SUPT5H: variants seen among roughly 807,000 people sequenced by gnomAD.
The protein encoded by SUPT5H is SPT5 homolog, DSIF elongation factor subunit.
SUPT5H carries 24 observed loss-of-function variants against 142.5 expected under a neutral mutation model. That is an observed-to-expected ratio of 0.17 (90% CI 0.12 to 0.24). The LOEUF (loss-of-function observed/expected upper bound fraction) is 0.24. Among genes scored for constraint, SUPT5H ranks in the 10% least tolerant of loss-of-function variants. The pLI is 1.00. For synonymous variants in SUPT5H, 546 were observed against 553.0 expected, an observed-to-expected ratio of 0.99 and a Z score of 0.18; for missense variants, 893 against 1,471.8, an observed-to-expected ratio of 0.61 and a Z score of 6.43.
chr19:39,456,400 G>GT lies in SUPT5H; in HGVS notation c.242-1266dup, dbSNP rs1555742917. On this transcript the variant is annotated intron_variant, in intron 3 of 29. Transcript: ENST00000432763. ...GTGCATCACCAGGCCTGACTAGACTGTTTTTTTTTGTTGTTGTTGTTGTTG... is the reference window on the plus strand; with the variant it reads ...GTGCATCACCAGGCCTGACTAGACTGTTTTTTTTTTGTTGTTGTTGTTGTTG... 1.9e-3 allele frequency among the ~76,000 whole-genome samples: 154 copies of GT among 81,586 alleles called. 1 individual carries two copies. Among genetic ancestry groups the GT allele is most frequent in the African/African-American group, 8.1e-3 (121 of 14,954 alleles). The allele number at this position is 81,586 out of a possible 152,430, so 53.5% of individuals were successfully genotyped here.
Position 39,471,479 on chromosome 19 carries a change from T to C in SUPT5H, c.1800T>C (p.Val600=), listed in dbSNP as rs2079319378. Residue 600 remains valine (V), a synonymous_variant, in exon 19 of 30, where the codon GTT becomes GTC. Coordinates refer to ENST00000432763, the MANE Select transcript of SUPT5H (RefSeq NM_001111020.3). ...EQNNIHVKDI[V]KVIDGPHSGR... The stretch of plus-strand genomic sequence containing the variant: ...ACAACATCCATGTGAAAGACATCGT[T>C]AAGGTCATTGATGGCCCCCACTCAG... 6.2e-7 allele frequency: 1 copy of C among 1,614,082 alleles called. No homozygotes were observed.
At chr19:39,447,858 A>G (rs2078973146) in intron 2 of SUPT5H, among the ~76,000 whole-genome samples, 1 of 152,258 alleles carries the variant, frequency 6.6e-6, no homozygotes, top group Non-Finnish European at 1.5e-5. Context: ...TTTAGTAGGT[A>G]GCAATCACAA....
At chr19:39,446,244 A>C (rs1048575735) in intron 2 of SUPT5H, among the ~76,000 whole-genome samples, 1 of 151,666 alleles carries the variant, frequency 6.6e-6, no homozygotes, top group Admixed American at 6.6e-5. Context: ...TTTTTTAGTT[A>C]TGTCTAGTCA....
rs1600705710 is a variant in SUPT5H, at chr19:39,458,505, G to C, written c.319+200G>C. On this transcript the variant is annotated intron_variant, in intron 5 of 29. Transcript: ENST00000432763. This position sits in a 1 kb window ranked among gnomAD's most constrained non-coding sequence, Gnocchi z 4.2. ...TGTTGACCTGGGAAAGCACGGATGT[G>C]TCTGTCTGGGACTGAGCATTTGTGG... 1 of 1,012,212 alleles carries C rather than the reference G, an allele frequency of 9.9e-7. No homozygotes were observed. The highest frequency in any genetic ancestry group is 1.6e-5 in the African/African-American group (1 of 61,990). The allele number at this position is 1,012,212 out of a possible 1,614,324, so 62.7% of individuals were successfully genotyped here.
chr19:39,464,404 G>T (rs750764683), intron 10 of SUPT5H, among the ~76,000 whole-genome samples: 4 of 151,842 alleles, frequency 2.6e-5, no homozygotes, highest in Admixed American at 1.3e-4. Flanking sequence ...CTGTTGCCCA[G>T]GCTGGAGTGC....
intron 2 of SUPT5H, among the ~76,000 whole-genome samples, chr19:39,451,186 C>CGT (rs2079017386): frequency 8.8e-6 from 1 of 113,888 alleles, no homozygotes; most frequent in South Asian, 2.9e-4. Flanking sequence ...TTGAGCATGA[C>CGT]CTTTTTTTTT....
At position 39,459,970 on chromosome 19, in the gene SUPT5H, G is replaced by A. The variant is rs368110725; in HGVS notation, c.624+10G>A. The A allele has an allele frequency of 1.9e-6, 3 of 1,614,042 alleles. No individual in the cohort carries two copies. The highest frequency in any genetic ancestry group is 1.7e-5 in the Admixed American group (1 of 60,012). On this transcript the variant is annotated intron_variant, in intron 10 of 29. Coordinates refer to ENST00000432763, the MANE Select transcript of SUPT5H (RefSeq NM_001111020.3). ...CCAGTTCACAGACACGGTAAGTCGG[G>A]TAGACAGGCGGCTTGGTGGGGAGAC...
At position 39,470,345 on chromosome 19, in the gene SUPT5H, C is replaced by T; in HGVS notation, c.1531-32C>T. 2 of 1,549,374 alleles carry T rather than the reference C, an allele frequency of 1.3e-6. No homozygotes were observed. The highest frequency in any genetic ancestry group is 1.8e-6 in the Non-Finnish European group (2 of 1,142,602). On this transcript the variant is annotated intron_variant, in intron 17 of 29. Transcript: ENST00000432763. The surrounding 1 kb of genome is among the most constrained non-coding windows in gnomAD (Gnocchi z 5.8). ...GACCCAGGTAGGCGAGCCACCTGGA[C>T]TGGGCCTCACCCCTTTCACCATCCC... is the stretch of plus-strand genomic sequence containing the variant.
chr19:39,466,361 C>T lies in SUPT5H; in HGVS notation c.877-119C>T. ...TGGGACTTTTGGGAGTGGTCAGCAG[C>T]CTGGTTTCTTCCCCACCATCCTGCG... is the stretch of plus-strand genomic sequence containing the variant. On this transcript the variant is annotated intron_variant, in intron 11 of 29. Coordinates refer to ENST00000432763, the MANE Select transcript of SUPT5H (RefSeq NM_001111020.3). The surrounding 1 kb of genome is among the most constrained non-coding windows in gnomAD (Gnocchi z 4.3). The T allele has an allele frequency of 1.1e-6, 1 of 924,198 alleles. No individual in the cohort carries two copies. The highest frequency in any genetic ancestry group is 1.7e-6 in the Non-Finnish European group (1 of 585,524). The allele number at this position is 924,198 out of a possible 1,614,324, so 57.2% of individuals were successfully genotyped here.
chr19:39,466,510 A>G lies in SUPT5H; in HGVS notation c.907A>G (p.Ile303Val), dbSNP rs755440697. Reference sequence around the variant, plus strand: ...CTACGTGGAGCCCAGCCAGAACACCATCTCCCTGAAGATGATCCCACGCAT... The same window carrying G: ...CTACGTGGAGCCCAGCCAGAACACCGTCTCCCTGAAGATGATCCCACGCAT... ...VDYVEPSQNT[I>V]SLKMIPRIDY... is the part of the protein sequence containing the mutation. The change falls in exon 12 of 30, where the codon ATC becomes GTC. Residue 303 changes from isoleucine (I) to valine (V), a missense_variant. Coordinates refer to ENST00000432763, the MANE Select transcript of SUPT5H (RefSeq NM_001111020.3). This position sits in a 1 kb window ranked among gnomAD's most constrained non-coding sequence, Gnocchi z 4.3. The G allele has an allele frequency of 3.1e-6, 5 of 1,613,896 alleles. No individual in the cohort carries two copies. Among genetic ancestry groups the G allele is most frequent in the African/African-American group, 1.3e-5 (1 of 74,874 alleles).
At chr19:39,455,069 T>C (rs1185905467) in intron 3 of SUPT5H, among the ~76,000 whole-genome samples, 1 of 152,204 alleles carries the variant, frequency 6.6e-6, no homozygotes, top group Non-Finnish European at 1.5e-5. Flanking sequence ...CATGAGTGCA[T>C]GAAGACCTGA....
Position 39,466,777 on chromosome 19 carries a change from TC to T in SUPT5H, c.1037+36del. The T allele has an allele frequency of 6.2e-7, 1 of 1,609,936 alleles. No individual in the cohort carries two copies. Among genetic ancestry groups the T allele is most frequent in the South Asian group, 1.1e-5 (1 of 90,994 alleles). On this transcript the variant is annotated intron_variant, in intron 13 of 29. Coordinates refer to ENST00000432763, the MANE Select transcript of SUPT5H (RefSeq NM_001111020.3). The surrounding 1 kb of genome is among the most constrained non-coding windows in gnomAD (Gnocchi z 4.3). Reference sequence around the variant, plus strand: ...GTCCTTGGGGACTGGCTGGGCTGGGTCCCCAGGGCCGGTGTGTAGAATGTGC... The same window carrying T: ...GTCCTTGGGGACTGGCTGGGCTGGGTCCCAGGGCCGGTGTGTAGAATGTGC...
At position 39,458,184 on chromosome 19, in the gene SUPT5H, T is replaced by C; in HGVS notation, c.308-110T>C. 1 of 1,507,908 alleles carries C rather than the reference T, an allele frequency of 6.6e-7. No homozygotes were observed. 93.4% of individuals were successfully genotyped at this position (1,507,908 alleles called of 1,614,324 possible). ...CCTCCCTTCCCCTCCCCCAACCCAT[T>C]GGTTGATTTTGCTGCTATAATTTGG... is the stretch of plus-strand genomic sequence containing the variant. On this transcript the variant is annotated intron_variant, in intron 4 of 29. Coordinates refer to ENST00000432763, the MANE Select transcript of SUPT5H (RefSeq NM_001111020.3). The surrounding 1 kb of genome is among the most constrained non-coding windows in gnomAD (Gnocchi z 4.2).
chr19:39,472,625 G>C lies in SUPT5H; in HGVS notation c.2035+132G>C. 7.3e-7 allele frequency: 1 copy of C among 1,372,530 alleles called. No homozygotes were observed. The highest frequency in any genetic ancestry group is 9.9e-7 in the Non-Finnish European group (1 of 1,007,618). The allele number at this position is 1,372,530 out of a possible 1,614,324, so 85.0% of individuals were successfully genotyped here. On this transcript the variant is annotated intron_variant, in intron 21 of 29. Transcript: ENST00000432763. This position sits in a 1 kb window ranked among gnomAD's most constrained non-coding sequence, Gnocchi z 4.2. Reference sequence around the variant, plus strand: ...ATTAGGGGTTCACCACCCACAGGAGGGTAGACGCCACAGTGACAGCCCAGA... The same window carrying C: ...ATTAGGGGTTCACCACCCACAGGAGCGTAGACGCCACAGTGACAGCCCAGA...
At chr19:39,471,819 T>C in intron 20 of SUPT5H, 89 bp downstream of exon 20, 1 of 1,501,642 alleles carries the variant, frequency 6.7e-7, no homozygotes, top group Non-Finnish European at 8.9e-7. Flanking sequence ...AAGATTGGGC[T>C]TGTGAGGGAT....
At chr19:39,446,750 G>A (rs1375077723) in intron 2 of SUPT5H, among the ~76,000 whole-genome samples, 3 of 152,230 alleles carry the variant, frequency 2.0e-5, no homozygotes, top group Non-Finnish European at 4.4e-5. Flanking sequence ...GCTCACACCT[G>A]TAATCTCAGC....
At chr19:39,471,561 G>GA (rs1200976382) in intron 19 of SUPT5H, 44 bp from the exon 20 acceptor site, 1 of 1,613,888 alleles carries the variant, frequency 6.2e-7, no homozygotes, top group Non-Finnish European at 8.5e-7. Context: ...GGTTGGGGGT[G>GA]AGGGGGACAT....
intron 2 of SUPT5H, among the ~76,000 whole-genome samples, chr19:39,451,295 C>T (rs1296508135): frequency 6.8e-6 from 1 of 146,476 alleles, no homozygotes; most frequent in Non-Finnish European, 1.5e-5. Flanking sequence ...TTCAAACAAT[C>T]CTCCTGCCTC....
At position 39,473,836 on chromosome 19, in the gene SUPT5H, G is replaced by T; in HGVS notation, c.2493-127G>T. The T allele has an allele frequency of 3.9e-6, 5 of 1,286,364 alleles. No homozygotes were observed. Among genetic ancestry groups the T allele is most frequent in the Non-Finnish European group, 5.6e-6 (5 of 898,632 alleles). The allele number at this position is 1,286,364 out of a possible 1,614,324, so 79.7% of individuals were successfully genotyped here. ...CTGTGGAAGGGAAATAACATCAGGA[G>T]TGCCTCTGGATGGGGCTCCCGTGAG... On this transcript the variant is annotated intron_variant, in intron 25 of 29. Coordinates refer to ENST00000432763, the MANE Select transcript of SUPT5H (RefSeq NM_001111020.3). The surrounding 1 kb of genome is among the most constrained non-coding windows in gnomAD (Gnocchi z 5.8).
Sources: gnomAD v4.1 joint callset for allele counts (sites outside exome capture counted in the v4.1 genomes callset) on GRCh38, gnomAD v4.1.1 for gene constraint, Gnocchi (gnomAD v3.1) non-coding constraint, MANE v1.5 for transcripts, NCBI Gene and HGNC (gene_info 2026-07-23, HGNC 2026-07-21) for gene names.